The following EIF4G3 variants were observed in gnomAD, a reference collection of about 807,000 sequenced individuals.
EIF4G3 encodes the protein eIF-4-gamma 3.
EIF4G3 carries 34 observed loss-of-function variants against 186.4 expected under a neutral mutation model. The ratio of observed to expected loss-of-function variants is 0.18; its 90% CI spans 0.14 to 0.24. The LOEUF (loss-of-function observed/expected upper bound fraction) is 0.24. Among genes scored for constraint, EIF4G3 ranks in the 10% least tolerant of loss-of-function variants. The pLI, the probability that EIF4G3 is intolerant of heterozygous loss-of-function variation, is 1.00. For missense variants in EIF4G3, 1,536 were observed against 1,948.5 expected, an observed-to-expected ratio of 0.79 and a Z score of 3.99; for synonymous variants, 673 against 679.5, an observed-to-expected ratio of 0.99 and a Z score of 0.15.
At position 20,897,863 on chromosome 1, in the gene EIF4G3, T is replaced by C. The variant is rs1222159164; in HGVS notation, c.1999+1834A>G. On this transcript the variant is annotated intron_variant, in intron 16 of 36. Coordinates refer to ENST00000602326, the MANE Select transcript of EIF4G3 (RefSeq NM_001391906.1). ...GGGCCTATACTGTAAAACTGATGGA[T>C]GAAAAGAATTAAAATATAATATAAA... Among the ~76,000 whole-genome samples the C allele has an allele frequency of 8.6e-5, 13 of 151,832 alleles. No individual in the cohort carries two copies. In the East Asian group the frequency reaches 2.1e-3, roughly 25 times the overall value.
intron 2 of EIF4G3, among the ~76,000 whole-genome samples, chr1:21,098,539 C>T (rs533370174): frequency 1.8e-4 from 5 of 27,730 alleles, no homozygotes; most frequent in Non-Finnish European, 2.8e-4. Flanking sequence ...GGCCCTGTCT[C>T]GAAAAAAAAA....
chr1:21,053,670 G>C (rs2094411964), intron 3 of EIF4G3, among the ~76,000 whole-genome samples: 1 of 142,590 alleles, frequency 7.0e-6, no homozygotes, highest in South Asian at 2.2e-4. Context: ...CCCCTACTGG[G>C]AAGTGAGGAG....
intron 14 of EIF4G3, among the ~76,000 whole-genome samples, chr1:20,912,602 G>A (rs1037704663): frequency 3.9e-5 from 6 of 152,168 alleles, no homozygotes; most frequent in African/African-American, 1.2e-4. Context: ...GAACAGCCCC[G>A]GTGCATTGCC....
chr1:20,967,027 G>C (rs1347883998), intron 12 of EIF4G3, among the ~76,000 whole-genome samples: 1 of 152,152 alleles, frequency 6.6e-6, no homozygotes, highest in Non-Finnish European at 1.5e-5. Flanking sequence ...TTCATCTGTT[G>C]AAAGTGTAGA....
At position 21,013,550 on chromosome 1, in the gene EIF4G3, G is replaced by A. The variant is rs189507217; in HGVS notation, c.-66-10742C>T. Among the ~76,000 whole-genome samples the A allele has an allele frequency of 3.9e-5, 6 of 152,238 alleles. No individual in the cohort carries two copies. In the South Asian group the frequency reaches 1.0e-3, roughly 26 times the overall value. ...TACTGTTTCACCTGATGCAAAGTTC[G>A]GATGGGAAGAGTGGCTTAGTTGAGA... On this transcript the variant is annotated intron_variant, in intron 4 of 36. Coordinates refer to ENST00000602326, the MANE Select transcript of EIF4G3 (RefSeq NM_001391906.1).
Position 21,013,953 on chromosome 1 carries a change from T to A in EIF4G3, c.-66-11145A>T, listed in dbSNP as rs145565824. ...GGGAGGCTGAGGTGGGTGGATCACC[T>A]GAGATCAGGAGTTCGAGACCAGCCT... On this transcript the variant is annotated intron_variant, in intron 4 of 36. Coordinates refer to ENST00000602326, the MANE Select transcript of EIF4G3 (RefSeq NM_001391906.1). 1.5e-3 allele frequency among the ~76,000 whole-genome samples: 236 copies of A among 152,320 alleles called. No homozygotes were observed. In the South Asian group the frequency reaches 0.019, roughly 12 times the overall value.
chr1:21,151,147 T>C (rs1422817643), intron 2 of EIF4G3, among the ~76,000 whole-genome samples: 1 of 151,958 alleles, frequency 6.6e-6, no homozygotes, highest in South Asian at 2.1e-4. Context: ...TACATGCTAC[T>C]TTTAACTGAC....
At chr1:20,997,353 C>T (rs1444496347) in intron 7 of EIF4G3, among the ~76,000 whole-genome samples, 2 of 130,574 alleles carry the variant, frequency 1.5e-5, no homozygotes, top group African/African-American at 2.6e-5. Flanking sequence ...AAAAACAATG[C>T]TTGGCAAGAA....
intron 20 of EIF4G3, among the ~76,000 whole-genome samples, chr1:20,878,647 A>C (rs771782306): frequency 2.6e-5 from 4 of 152,202 alleles, no homozygotes; most frequent in Non-Finnish European, 2.9e-5. Context: ...GAAAAAATCC[A>C]AATGTTAAAG....
chr1:21,077,276 T>C (rs542922562), intron 3 of EIF4G3, among the ~76,000 whole-genome samples: 2 of 151,912 alleles, frequency 1.3e-5, no homozygotes, highest in South Asian at 4.2e-4. Flanking sequence ...GGCAGCATGC[T>C]TGTAGTCCCA....
intron 33 of EIF4G3, among the ~76,000 whole-genome samples, chr1:20,818,289 A>G (rs1180432874): frequency 2.6e-5 from 4 of 152,180 alleles, no homozygotes; most frequent in Non-Finnish European, 5.9e-5. Context: ...CATTTCGAAT[A>G]TAGGTGTGAG....
At chr1:20,872,713 C>CTTTTTTT (rs386366427) in intron 20 of EIF4G3, among the ~76,000 whole-genome samples, 3 of 81,836 alleles carry the variant, frequency 3.7e-5, no homozygotes, top group Non-Finnish European at 7.6e-5. Context: ...ACTTTCTTGC[C>CTTTTTTT]TTTTTTTTTT....
chr1:20,916,167 T>C (rs1231114571), intron 14 of EIF4G3, among the ~76,000 whole-genome samples: 1 of 151,992 alleles, frequency 6.6e-6, no homozygotes, highest in African/African-American at 2.4e-5. Context: ...TCCAAACCAT[T>C]ATTTAGAGAA....
At chr1:21,083,060 A>AAG (rs2095844682) in intron 3 of EIF4G3, among the ~76,000 whole-genome samples, 6 of 67,086 alleles carry the variant, frequency 8.9e-5, no homozygotes, top group African/African-American at 2.1e-4. Flanking sequence ...AAAAAAAAAA[A>AAG]AAAAAAAAAA....
At chr1:20,956,454 G>A (rs1264446753) in intron 12 of EIF4G3, among the ~76,000 whole-genome samples, 2 of 152,026 alleles carry the variant, frequency 1.3e-5, no homozygotes, top group African/African-American at 4.8e-5. Context: ...GTTGTCTAAG[G>A]AGAGCAAAGT....
intron 7 of EIF4G3, among the ~76,000 whole-genome samples, chr1:20,988,610 T>C (rs998295292): frequency 2.0e-5 from 3 of 152,112 alleles, no homozygotes; most frequent in Admixed American, 6.5e-5. Context: ...TGCTGGCTAT[T>C]TTAAGGCCAT....
At chr1:21,027,513 C>A (rs1365012508) in intron 4 of EIF4G3, among the ~76,000 whole-genome samples, 2 of 151,628 alleles carry the variant, frequency 1.3e-5, no homozygotes, top group Non-Finnish European at 2.9e-5. Flanking sequence ...GCCTGTAGTC[C>A]CAGATACTTG....
Position 20,853,548 on chromosome 1 carries a change from C to T in EIF4G3, c.3551+12G>A, listed in dbSNP as rs1195614507. ...GCCAGCCTTGAGTAGACATAAAAAG[C>T]AGGGTTCTCACCTAGTTAAGGTCCT... is the stretch of plus-strand genomic sequence containing the variant. On this transcript the variant is annotated intron_variant, in intron 27 of 36. Transcript: ENST00000602326. The T allele has an allele frequency of 4.4e-6, 7 of 1,580,604 alleles. No individual in the cohort carries two copies. Among genetic ancestry groups the T allele is most frequent in the Non-Finnish European group, 6.1e-6 (7 of 1,149,666 alleles).
chr1:20,939,979 C>T lies in EIF4G3; in HGVS notation c.1663+1512G>A, dbSNP rs182297345. Reference sequence around the variant, plus strand: ...AAGCAATTCTCCTGCCTCAGCCTCCCGAGTAGCTGGGACTACAGGCCCACA... The same window carrying T: ...AAGCAATTCTCCTGCCTCAGCCTCCTGAGTAGCTGGGACTACAGGCCCACA... On this transcript the variant is annotated intron_variant, in intron 14 of 36. Transcript: ENST00000602326. Among the ~76,000 whole-genome samples the T allele has an allele frequency of 4.7e-3, 717 of 151,660 alleles. 2 individuals are homozygous for T. The highest frequency in any genetic ancestry group is 0.01 in the Middle Eastern group (3 of 294).
Sources: allele counts gnomAD v4.1 joint callset (sites outside exome capture counted in the v4.1 genomes callset), GRCh38; gene constraint gnomAD v4.1.1; transcripts MANE v1.5; gene names NCBI Gene and HGNC (gene_info 2026-07-23, HGNC 2026-07-21).